HAUS3: variants seen among roughly 807,000 people sequenced by gnomAD.
HAUS3 encodes HAUS augmin-like complex subunit 3.
Under a neutral mutation model 55.2 loss-of-function variants are expected in HAUS3, and 36 were observed. The observed-to-expected ratio is 0.65, with a 90% CI of 0.50 to 0.86. The LOEUF (loss-of-function observed/expected upper bound fraction) is 0.86. Ranked by LOEUF, HAUS3 falls within the 40% of genes least tolerant of loss-of-function variation. The pLI, the probability that HAUS3 is intolerant of heterozygous loss-of-function variation, is 0.00. For synonymous variants in HAUS3, 234 were observed against 238.6 expected (o/e 0.98, Z 0.18); for missense variants, 752 against 671.5 (o/e 1.12, Z -1.33).
At chr4:2,237,272 T>TA (rs1485294334) in intron 4 of HAUS3, among the ~76,000 whole-genome samples, 3 of 146,794 alleles carry the variant, frequency 2.0e-5, no homozygotes, top group African/African-American at 7.4e-5. Context: ...CTCTACAAAT[T>TA]TTTTTTTTTT....
Position 2,230,444 on chromosome 4 carries a change from C to T in HAUS3, c.*1483G>A, listed in dbSNP as rs796696731. 6 of 151,608 alleles carry T rather than the reference C, an allele frequency of 4.0e-5. No individual in the cohort carries two copies. The highest frequency in any genetic ancestry group is 7.3e-5 in the African/African-American group (3 of 41,260). 9.4% of individuals were successfully genotyped at this position (151,608 alleles called of 1,614,324 possible). ...AAAATTTTAAGTAAATTCTCTATTC[C>T]GAAATAGAATAGAAAAAAACATATA... On this transcript the variant is annotated 3_prime_UTR_variant, in exon 6 of 6. Coordinates refer to ENST00000443786, the MANE Select transcript of HAUS3 (RefSeq NM_001303143.2).
rs986340416 is a variant in HAUS3, at chr4:2,230,993, A to T, written c.*934T>A. 1.3e-5 allele frequency: 2 copies of T among 152,222 alleles called. No homozygotes were observed. Among genetic ancestry groups the T allele is most frequent in the Admixed American group, 1.3e-4 (2 of 15,280 alleles). 9.4% of individuals were successfully genotyped at this position (152,222 alleles called of 1,614,324 possible). A position where few individuals can be genotyped will look rare whatever the true frequency, so the allele number is the denominator to read the frequency against. ...ACTTTTACAGAATTTTGAAATTCAAATTTCATTTGAAAGTCATTTATGATG... is the reference window on the plus strand; with the variant it reads ...ACTTTTACAGAATTTTGAAATTCAATTTTCATTTGAAAGTCATTTATGATG... On this transcript the variant is annotated 3_prime_UTR_variant, in exon 6 of 6. Coordinates refer to ENST00000443786, the MANE Select transcript of HAUS3 (RefSeq NM_001303143.2).
In HAUS3 at chr4:2,240,682, A is replaced by C. The variant is rs1415213723; in HGVS notation, c.265T>G (p.Leu89Val). ...TTATCATCCAGTCTAGGTGTCTTCAAATCAGAAGTTTTACACGTTTTAAGA... is the reference window on the plus strand; with the variant it reads ...TTATCATCCAGTCTAGGTGTCTTCACATCAGAAGTTTTACACGTTTTAAGA... ...EALKTCKTSD[L>V]KTPRLDDKEL... Residue 89 changes from leucine (L) to valine (V), a missense_variant, in exon 3 of 6, where the codon TTG becomes GTG. By Grantham distance (32) the Leu-to-Val change is conservative. Coordinates refer to ENST00000443786, the MANE Select transcript of HAUS3 (RefSeq NM_001303143.2). The C allele has an allele frequency of 6.2e-7, 1 of 1,613,920 alleles. No homozygotes were observed. Among genetic ancestry groups the C allele is most frequent in the Non-Finnish European group, 8.5e-7 (1 of 1,179,990 alleles).
In HAUS3 at chr4:2,231,717, A is replaced by C. The variant is rs1734585105; in HGVS notation, c.*210T>G. The C allele has an allele frequency of 1.1e-4, 42 of 374,276 alleles. No homozygotes were observed. The highest frequency in any genetic ancestry group is 1.5e-4 in the Non-Finnish European group (30 of 206,056). 23.2% of individuals were successfully genotyped at this position (374,276 alleles called of 1,614,324 possible). On this transcript the variant is annotated 3_prime_UTR_variant, in exon 6 of 6. Coordinates refer to ENST00000443786, the MANE Select transcript of HAUS3 (RefSeq NM_001303143.2). ...CTGTAAGTAAAAAATTACCAGGACT[A>C]AGTACCACTAAACACATGCTCAAGT...
chr4:2,237,139 G>C (rs1734794481), intron 4 of HAUS3, among the ~76,000 whole-genome samples: 1 of 152,004 alleles, frequency 6.6e-6, no homozygotes, highest in Admixed American at 6.6e-5. Context: ...ATGTCTCATA[G>C]AATATAACTA....
chr4:2,241,431 A>C, intron 2 of HAUS3, 89 bp downstream of exon 2: 1 of 902,680 alleles, frequency 1.1e-6, no homozygotes, highest in Non-Finnish European at 1.3e-6. Flanking sequence ...AGCCACCAGG[A>C]GGCTAGGCAG....
In HAUS3 at chr4:2,229,441, G is replaced by A. The variant is rs1734498469; in HGVS notation, c.*2486C>T. 1 of 419,022 alleles carries A rather than the reference G, an allele frequency of 2.4e-6. No individual in the cohort carries two copies. Among genetic ancestry groups the A allele is most frequent in the South Asian group, 4.6e-5 (1 of 21,648 alleles). The allele number at this position is 419,022 out of a possible 1,614,324, so 26.0% of individuals were successfully genotyped here. ...CAAAATAGCTAGAGGCTTAATCCAG[G>A]TATCATAGTAAATAGATAACTTATT... On this transcript the variant is annotated 3_prime_UTR_variant, in exon 6 of 6. Transcript: ENST00000443786.
intron 3 of HAUS3, among the ~76,000 whole-genome samples, chr4:2,239,524 G>C (rs1205400955): frequency 6.6e-6 from 1 of 152,148 alleles, no homozygotes; most frequent in African/African-American, 2.4e-5. Flanking sequence ...TTTTACTCAA[G>C]TATCTAGCAG....
In HAUS3 at chr4:2,242,087, C is replaced by T. The variant is rs1735013025; in HGVS notation, c.-455G>A. 1.0e-6 allele frequency: 1 copy of T among 985,906 alleles called. No individual in the cohort carries two copies. Among genetic ancestry groups the T allele is most frequent in the African/African-American group, 1.7e-5 (1 of 57,376 alleles). 61.1% of individuals were successfully genotyped at this position (985,906 alleles called of 1,614,324 possible). ...CCGCTTGCTTCTCGCAGGAGCCCGC[C>T]GCCACCGCCCTCCGTGCCCCGCGCG... On this transcript the variant is annotated 5_prime_UTR_variant, in exon 1 of 6. Coordinates refer to ENST00000443786, the MANE Select transcript of HAUS3 (RefSeq NM_001303143.2).
Position 2,240,260 on chromosome 4 carries a change from T to C in HAUS3, c.687A>G (p.Val229=). Residue 229 remains valine, a synonymous_variant, in exon 3 of 6, where the codon GTA becomes GTG. Coordinates refer to ENST00000443786, the MANE Select transcript of HAUS3 (RefSeq NM_001303143.2). ...KKQFFQGIHE[V]VESSNEDNFQ... is the part of the protein sequence containing the mutation. ...AATTGTCTTCATTTGAACTTTCAAC[T>C]ACTTCATGTATACCCTGAAAGAACT... The C allele has an allele frequency of 6.2e-7, 1 of 1,613,746 alleles. No individual in the cohort carries two copies. Among genetic ancestry groups the C allele is most frequent in the Non-Finnish European group, 8.5e-7 (1 of 1,179,710 alleles).
chr4:2,228,482 C>T lies in HAUS3; in HGVS notation c.*3445G>A, dbSNP rs566712439. 4 of 194,492 alleles carry T rather than the reference C, an allele frequency of 2.1e-5. No homozygotes were observed. Among genetic ancestry groups the T allele is most frequent in the Admixed American group, 6.3e-5 (1 of 15,950 alleles). 12.0% of individuals were successfully genotyped at this position (194,492 alleles called of 1,614,324 possible). ...GCCTCCCAAGTAGCTGGACTACAGG[C>T]GCCTACCACCACTCCCAGCTAATTT... On this transcript the variant is annotated 3_prime_UTR_variant, in exon 6 of 6. Coordinates refer to ENST00000443786, the MANE Select transcript of HAUS3 (RefSeq NM_001303143.2).
Position 2,240,181 on chromosome 4 carries a change from CAAG to C in HAUS3, c.763_765del (p.Leu255del). ...CTAGCCATCTCTAGTCGTCTCTCCT[CAAG>C]GATTTCTTGATTATCACAAATAGAT... On this transcript the variant is annotated inframe_deletion, in exon 3 of 6. Coordinates refer to ENST00000443786, the MANE Select transcript of HAUS3 (RefSeq NM_001303143.2). 1 of 1,614,106 alleles carries C rather than the reference CAAG, an allele frequency of 6.2e-7. No homozygotes were observed. Among genetic ancestry groups the C allele is most frequent in the South Asian group, 1.1e-5 (1 of 91,066 alleles).
Position 2,242,033 on chromosome 4 carries a change from G to A in HAUS3, c.-419+18C>T, listed in dbSNP as rs1043947432. ...GCCCCACACCCCTGCGCCCAGAACCGAGGCCCGCGTCAGTCACCTCAGGAA... is the reference window on the plus strand; with the variant it reads ...GCCCCACACCCCTGCGCCCAGAACCAAGGCCCGCGTCAGTCACCTCAGGAA... On this transcript the variant is annotated intron_variant, in intron 1 of 5. Coordinates refer to ENST00000443786, the MANE Select transcript of HAUS3 (RefSeq NM_001303143.2). 65 of 985,612 alleles carry A rather than the reference G, an allele frequency of 6.6e-5. No homozygotes were observed. In the African/African-American group the frequency reaches 1.0e-3, roughly 16 times the overall value. 61.1% of individuals were successfully genotyped at this position (985,612 alleles called of 1,614,324 possible).
At position 2,234,478 on chromosome 4, in the gene HAUS3, C is replaced by T. The variant is rs79501913; in HGVS notation, c.1578+1750G>A. 7.1e-3 allele frequency: 1,092 copies of T among 153,734 alleles called. 20 individuals carry two copies. Among genetic ancestry groups the T allele is most frequent in the South Asian group, 0.028 (135 of 4,850 alleles). 9.5% of individuals were successfully genotyped at this position (153,734 alleles called of 1,614,324 possible). ...CCTTGGTCTTGACCTGGGACAAAGGCACGTTTCCTGGGAAAATCAGAACTG... is the reference window on the plus strand; with the variant it reads ...CCTTGGTCTTGACCTGGGACAAAGGTACGTTTCCTGGGAAAATCAGAACTG... On this transcript the variant is annotated intron_variant, in intron 5 of 5. Transcript: ENST00000443786.
rs757873942 is a variant in HAUS3 at position 2,240,529 on chromosome 4, T to C, written c.418A>G (p.Lys140Glu). ...TSHKSLRLNAKEEEATKKLKQ... is the reference protein window; with the variant it reads ...TSHKSLRLNAEEEEATKKLKQ... ...AGCTTTTTAGTGGCTTCTTCTTCTT[T>C]AGCATTTAACCTCAGAGATTTGTGG... The change falls in exon 3 of 6, where the codon AAA becomes GAA. Residue 140 changes from lysine to glutamate, a missense_variant. Transcript: ENST00000443786. 6.2e-6 allele frequency: 10 copies of C among 1,613,708 alleles called. No individual in the cohort carries two copies. Among genetic ancestry groups the C allele is most frequent in the African/African-American group, 5.3e-5 (4 of 74,906 alleles).
rs1333760213 is a variant in HAUS3 at position 2,240,964 on chromosome 4, T to C, written c.-18A>G. 1.3e-6 allele frequency: 2 copies of C among 1,565,668 alleles called. No individual in the cohort carries two copies. Among genetic ancestry groups the C allele is most frequent in the Non-Finnish European group, 1.7e-6 (2 of 1,163,924 alleles). On this transcript the variant is annotated 5_prime_UTR_variant, in exon 3 of 6. Coordinates refer to ENST00000443786, the MANE Select transcript of HAUS3 (RefSeq NM_001303143.2). Reference sequence around the variant, plus strand: ...CAACTCATGGTTTTAACTACCCCAATTTTGTTGTATCTGATATGGGTTTAC... The same window carrying C: ...CAACTCATGGTTTTAACTACCCCAACTTTGTTGTATCTGATATGGGTTTAC...
chr4:2,239,125 A>T, intron 3 of HAUS3, 82 bp from the exon 4 acceptor site: 1 of 694,634 alleles, frequency 1.4e-6, no homozygotes, highest in Non-Finnish European at 2.2e-6. Flanking sequence ...TTTCCACTTT[A>T]GGTGACCAGA....
At position 2,239,049 on chromosome 4, in the gene HAUS3, CA is replaced by C; in HGVS notation, c.910-7del. The C allele has an allele frequency of 7.0e-7, 1 of 1,437,806 alleles. No individual in the cohort carries two copies. The highest frequency in any genetic ancestry group is 9.2e-7 in the Non-Finnish European group (1 of 1,083,580). 89.1% of individuals were successfully genotyped at this position (1,437,806 alleles called of 1,614,324 possible). A position where few individuals can be genotyped will look rare whatever the true frequency, so the allele number is the denominator to read the frequency against. Reference sequence around the variant, plus strand: ...AAATTTTCTTTGTCCACAGCCTATACAAAGAAAAGCAATTACATTTCAAACT... The same window carrying C: ...AAATTTTCTTTGTCCACAGCCTATACAAGAAAAGCAATTACATTTCAAACT... On this transcript the variant is annotated splice_region_variant and splice_polypyrimidine_tract_variant and intron_variant, in intron 3 of 5. Coordinates refer to ENST00000443786, the MANE Select transcript of HAUS3 (RefSeq NM_001303143.2).
At position 2,240,897 on chromosome 4, in the gene HAUS3, G is replaced by A; in HGVS notation, c.50C>T (p.Pro17Leu). The change falls in exon 3 of 6, where the codon CCC (proline) becomes CTC (leucine). Residue 17 changes from proline (P) to leucine (L), a missense_variant. By Grantham distance (98) the Pro-to-Leu change is moderately conservative (BLOSUM62 -3). Transcript: ENST00000443786. ...TTCTCCATTAAGATTATCAGCTTTGGGATAACCAATTTTTTTTAATGTTTC... is the reference window on the plus strand; with the variant it reads ...TTCTCCATTAAGATTATCAGCTTTGAGATAACCAATTTTTTTTAATGTTTC... ...FVETLKKIGYPKADNLNGEDF... is the reference protein window; with the variant it reads ...FVETLKKIGYLKADNLNGEDF... The A allele has an allele frequency of 6.2e-7, 1 of 1,601,252 alleles. No homozygotes were observed. The highest frequency in any genetic ancestry group is 2.2e-5 in the East Asian group (1 of 44,834).
Sources: allele counts gnomAD v4.1 joint callset (sites outside exome capture counted in the v4.1 genomes callset), GRCh38; gene constraint gnomAD v4.1.1; transcripts MANE v1.5; gene names NCBI Gene and HGNC (gene_info 2026-07-23, HGNC 2026-07-21).